The following ZNF804A variants were observed in gnomAD, a reference collection of about 807,000 sequenced individuals.
ZNF804A encodes the protein zinc finger protein 804A.
In ZNF804A, 2 loss-of-function variants were observed where a neutral mutation model predicts 16.5. That is an observed-to-expected ratio of 0.12 (90% CI 0.05 to 0.38). The LOEUF (loss-of-function observed/expected upper bound fraction) is 0.38, where lower values mean the gene tolerates loss of function less well. Ranked by LOEUF, ZNF804A falls within the 10% of genes least tolerant of loss-of-function variation. The pLI is 0.99. For synonymous variants in ZNF804A, 534 were observed against 489.6 expected, an observed-to-expected ratio of 1.09 and a Z score of -1.20; for missense variants, 1,473 against 1,390.7, an observed-to-expected ratio of 1.06 and a Z score of -0.94.
intron 3 of ZNF804A, among the ~76,000 whole-genome samples, chr2:184,934,040 G>A (rs535221391): frequency 6.6e-6 from 1 of 152,104 alleles, no homozygotes; most frequent in African/African-American, 2.4e-5. Context: ...TCAAACATTT[G>A]ATTGAGGAAG....
In ZNF804A at chr2:184,763,169, A is replaced by T. The variant is rs548466412; in HGVS notation, c.112-103200A>T. 3.3e-5 allele frequency among the ~76,000 whole-genome samples: 5 copies of T among 152,266 alleles called. No individual in the cohort carries two copies. In the East Asian group the frequency reaches 9.7e-4, roughly 29 times the overall value. Reference sequence around the variant, plus strand: ...CAGGATGAATCGTGTCCCCAAAAAGATATGTTGAAGTTTTAACCCTTAATA... The same window carrying T: ...CAGGATGAATCGTGTCCCCAAAAAGTTATGTTGAAGTTTTAACCCTTAATA... On this transcript the variant is annotated intron_variant, in intron 1 of 3. Coordinates refer to ENST00000302277, the MANE Select transcript of ZNF804A (RefSeq NM_194250.2).
At chr2:184,720,425 T>C (rs1693291831) in intron 1 of ZNF804A, among the ~76,000 whole-genome samples, 1 of 152,074 alleles carries the variant, frequency 6.6e-6, no homozygotes, top group Admixed American at 6.6e-5. Flanking sequence ...GGATACAAAA[T>C]CAACATACAA....
intron 1 of ZNF804A, among the ~76,000 whole-genome samples, chr2:184,633,548 G>A (rs943349006): frequency 3.3e-5 from 5 of 152,172 alleles, no homozygotes; most frequent in Non-Finnish European, 7.3e-5. Context: ...ACGGAGGTAA[G>A]TAGCTCCAAA....
chr2:184,857,174 T>C (rs1695702424), intron 1 of ZNF804A, among the ~76,000 whole-genome samples: 1 of 152,086 alleles, frequency 6.6e-6, no homozygotes, highest in Non-Finnish European at 1.5e-5. Context: ...TTTTCCATTG[T>C]CTTTCATTTT....
intron 2 of ZNF804A, among the ~76,000 whole-genome samples, chr2:184,901,280 A>G (rs1407079518): frequency 4.7e-4 from 72 of 152,138 alleles, no homozygotes; most frequent in Admixed American, 4.7e-3. Context: ...AAGAGGAGGG[A>G]ACCAGGGAAG....
intron 1 of ZNF804A, among the ~76,000 whole-genome samples, chr2:184,814,365 G>A (rs552274707): frequency 6.6e-6 from 1 of 151,940 alleles, no homozygotes; most frequent in Non-Finnish European, 1.5e-5. Context: ...TTTTGCACTC[G>A]ATAAGTTAGA....
At chr2:184,929,503 ATGTG>A (rs1018278852) in intron 2 of ZNF804A, among the ~76,000 whole-genome samples, 13 of 151,814 alleles carry the variant, frequency 8.6e-5, no homozygotes, top group African/African-American at 3.1e-4. Flanking sequence ...GTGTGTGTGT[ATGTG>A]TGAGTATGTA....
intron 1 of ZNF804A, among the ~76,000 whole-genome samples, chr2:184,856,304 G>A (rs1001410403): frequency 2.0e-5 from 3 of 151,824 alleles, no homozygotes; most frequent in Non-Finnish European, 2.9e-5. Flanking sequence ...CATTTCTAGA[G>A]GAACCACTTT....
intron 1 of ZNF804A, among the ~76,000 whole-genome samples, chr2:184,831,172 C>A (rs1026045496): frequency 2.6e-5 from 4 of 152,048 alleles, no homozygotes; most frequent in Non-Finnish European, 5.9e-5. Flanking sequence ...CTTATTTATA[C>A]GCCCGCTTTT....
intron 1 of ZNF804A, among the ~76,000 whole-genome samples, chr2:184,643,196 C>T (rs1691818867): frequency 6.6e-6 from 1 of 151,800 alleles, no homozygotes; most frequent in South Asian, 2.1e-4. Flanking sequence ...TATTACTTTT[C>T]TTTTTATTTG....
intron 2 of ZNF804A, among the ~76,000 whole-genome samples, chr2:184,872,837 C>A (rs1190912892): frequency 6.6e-6 from 1 of 151,994 alleles, no homozygotes; most frequent in Admixed American, 6.6e-5. Context: ...TAACAGTTAC[C>A]AAGACTATTA....
chr2:184,806,079 C>T (rs995028694), intron 1 of ZNF804A, among the ~76,000 whole-genome samples: 3 of 151,906 alleles, frequency 2.0e-5, no homozygotes, highest in Admixed American at 6.6e-5. Flanking sequence ...TTTGTTTCCC[C>T]GGGATATTTA....
chr2:184,922,151 T>C (rs1031982851), intron 2 of ZNF804A, among the ~76,000 whole-genome samples: 1 of 152,098 alleles, frequency 6.6e-6, no homozygotes, highest in Non-Finnish European at 1.5e-5. Context: ...GATTGTATGG[T>C]AGCTCTATTT....
intron 1 of ZNF804A, among the ~76,000 whole-genome samples, chr2:184,607,774 A>T (rs1476886571): frequency 1.3e-5 from 2 of 152,152 alleles, no homozygotes; most frequent in East Asian, 3.9e-4. Flanking sequence ...TTCATTTTAC[A>T]AAACAAAAAT....
intron 1 of ZNF804A, among the ~76,000 whole-genome samples, chr2:184,865,399 G>T (rs934973114): frequency 1.3e-5 from 2 of 151,964 alleles, no homozygotes; most frequent in Non-Finnish European, 2.9e-5. Context: ...CACTGCATCT[G>T]GTGAGGGGCT....
intron 1 of ZNF804A, among the ~76,000 whole-genome samples, chr2:184,844,730 C>A (rs1695488532): frequency 6.6e-6 from 1 of 151,800 alleles, no homozygotes; most frequent in Non-Finnish European, 1.5e-5. Flanking sequence ...TTTCTCTAAA[C>A]TTCCTGGATC....
At chr2:184,825,453 A>G (rs1413326748) in intron 1 of ZNF804A, among the ~76,000 whole-genome samples, 1 of 152,156 alleles carries the variant, frequency 6.6e-6, no homozygotes, top group African/African-American at 2.4e-5. Context: ...TAGTCCTTTC[A>G]GGGAGACAGA....
rs200699206 is a variant in ZNF804A at position 184,936,000 on chromosome 2, G to T, written c.604G>T (p.Asp202Tyr). 6.2e-7 allele frequency: 1 copy of T among 1,614,006 alleles called. No individual in the cohort carries two copies. Among genetic ancestry groups the T allele is most frequent in the Non-Finnish European group, 8.5e-7 (1 of 1,179,954 alleles). Reference protein sequence around the residue: ...NYTAKNNQVGDQAQGIHRHKI... With the variant: ...NYTAKNNQVGYQAQGIHRHKI... ...TACAGCAAAAAATAACCAAGTTGGG[G>T]ATCAAGCCCAGGGGATTCACAGACA... Residue 202 changes from aspartate to tyrosine, a missense_variant, in exon 4 of 4, where the codon GAT (aspartate) becomes TAT (tyrosine). Physicochemically the swap from Asp to Tyr is radical, Grantham distance 160. Coordinates refer to ENST00000302277, the MANE Select transcript of ZNF804A (RefSeq NM_194250.2).
At chr2:184,763,893 C>T (rs1206261146) in intron 1 of ZNF804A, among the ~76,000 whole-genome samples, 3 of 151,904 alleles carry the variant, frequency 2.0e-5, no homozygotes, top group African/African-American at 7.2e-5. Flanking sequence ...CTGCCTGCCT[C>T]AGCCTCCCAA....
Sources: gnomAD v4.1 joint callset for allele counts (sites outside exome capture counted in the v4.1 genomes callset) on GRCh38, gnomAD v4.1.1 for gene constraint, MANE v1.5 for transcripts, NCBI Gene and HGNC (gene_info 2026-07-23, HGNC 2026-07-21) for gene names.